Variants in TESK2 observed in about 807,000 individuals in gnomAD.
TESK2 encodes dual specificity testis-specific protein kinase 2.
In TESK2, 39 loss-of-function variants were observed where a neutral mutation model predicts 57.1. That is an observed-to-expected ratio of 0.68 (90% CI 0.53 to 0.89). The LOEUF (loss-of-function observed/expected upper bound fraction) is 0.89, where lower values mean the gene tolerates loss of function less well. Among genes scored for constraint, TESK2 ranks in the 40% least tolerant of loss-of-function variants. The pLI, the probability that TESK2 is intolerant of heterozygous loss-of-function variation, is 0.00. For missense variants in TESK2, 646 were observed against 732.1 expected, an observed-to-expected ratio of 0.88 and a Z score of 1.36; for synonymous variants, 249 against 267.9, an observed-to-expected ratio of 0.93 and a Z score of 0.69.
At chr1:45,397,885 T>C (rs972932359) in intron 3 of TESK2, among the ~76,000 whole-genome samples, 1 of 152,146 alleles carries the variant, frequency 6.6e-6, no homozygotes, top group Non-Finnish European at 1.5e-5. Context: ...GTGCCAGACA[T>C]GTCCACATAT....
chr1:45,400,839 T>C (rs887775656), intron 3 of TESK2, among the ~76,000 whole-genome samples: 2 of 151,002 alleles, frequency 1.3e-5, no homozygotes, highest in African/African-American at 4.9e-5. Flanking sequence ...CTGGCCAACA[T>C]GATGAAACCC....
chr1:45,425,790 G>A (rs1084165), intron 2 of TESK2, among the ~76,000 whole-genome samples: 148,248 of 152,260 alleles, frequency 0.97, 72,312 homozygotes, highest in East Asian at 1. Context: ...ATACTACTCA[G>A]ATACTAAACT....
chr1:45,483,318 G>A (rs545312971), intron 1 of TESK2, among the ~76,000 whole-genome samples: 14 of 151,734 alleles, frequency 9.2e-5, no homozygotes, highest in African/African-American at 2.9e-4. Flanking sequence ...AAGAGGAGCC[G>A]GGCGTGGTGG....
intron 10 of TESK2, 95 bp from the exon 11 acceptor site, chr1:45,345,653 G>T: frequency 8.4e-7 from 1 of 1,190,182 alleles, no homozygotes; most frequent in Non-Finnish European, 1.2e-6. Context: ...AAGCAAAGCT[G>T]ATACCATGGC....
chr1:45,470,310 T>C (rs1652710210), intron 1 of TESK2, among the ~76,000 whole-genome samples: 1 of 152,196 alleles, frequency 6.6e-6, no homozygotes, highest in South Asian at 2.1e-4. Context: ...CAAATCTACA[T>C]GACAAGTCTG....
intron 10 of TESK2, 101 bp downstream of exon 10, chr1:45,345,776 T>C (rs976575005): frequency 5.7e-6 from 6 of 1,056,140 alleles, no homozygotes; most frequent in Non-Finnish European, 8.6e-6. Flanking sequence ...CATTTGTTTC[T>C]GGACCTGGGA....
At chr1:45,467,405 T>G (rs529263734) in intron 1 of TESK2, among the ~76,000 whole-genome samples, 7 of 152,026 alleles carry the variant, frequency 4.6e-5, no homozygotes, top group African/African-American at 1.7e-4. Context: ...AGTACAGTGG[T>G]GCGATCATGG....
At chr1:45,443,543 C>G (rs1651528324) in intron 2 of TESK2, among the ~76,000 whole-genome samples, 1 of 125,784 alleles carries the variant, frequency 8.0e-6, no homozygotes, top group Non-Finnish European at 1.6e-5. Flanking sequence ...GTACTCCAGC[C>G]TGGGTGGCAG....
At chr1:45,358,007 A>G (rs1381289153) in intron 4 of TESK2, among the ~76,000 whole-genome samples, 3 of 107,042 alleles carry the variant, frequency 2.8e-5, no homozygotes, top group East Asian at 2.5e-4. Context: ...AACTCCGTCT[A>G]AAAAAAAAAA....
In TESK2 at chr1:45,388,717, CTT is replaced by C. The variant is rs34109075; in HGVS notation, c.345-2759_345-2758del. Among the ~76,000 whole-genome samples, 22 of 102,748 alleles carry C rather than the reference CTT, an allele frequency of 2.1e-4. 1 individual carries two copies. In the East Asian group the frequency reaches 5.0e-3, roughly 23 times the overall value. The allele number at this position is 102,748 out of a possible 152,430, so 67.4% of individuals were successfully genotyped here. A position where few individuals can be genotyped will look rare whatever the true frequency, so the allele number is the denominator to read the frequency against. On this transcript the variant is annotated intron_variant, in intron 3 of 10. Transcript: ENST00000372086. ...AACGTGGCAGTATTGAGAGGTACGG[CTT>C]TTTTTTTTTTTTTTTTTTTGAGACG...
intron 3 of TESK2, among the ~76,000 whole-genome samples, chr1:45,400,422 G>A (rs960468535): frequency 2.6e-5 from 4 of 152,214 alleles, no homozygotes; most frequent in South Asian, 4.1e-4. Flanking sequence ...TAAAATAAAC[G>A]TGTGTTGTTT....
chr1:45,468,640 A>G (rs1005701702), intron 1 of TESK2, among the ~76,000 whole-genome samples: 4 of 152,326 alleles, frequency 2.6e-5, no homozygotes, highest in Non-Finnish European at 4.4e-5. Flanking sequence ...ATTGAGTATT[A>G]TCTATTGATA....
intron 1 of TESK2, among the ~76,000 whole-genome samples, chr1:45,480,686 G>GAATA (rs1014183383): frequency 2.0e-5 from 3 of 150,696 alleles, no homozygotes; most frequent in Non-Finnish European, 3.0e-5. Context: ...AATAATAAAT[G>GAATA]AATAAATAAA....
intron 3 of TESK2, among the ~76,000 whole-genome samples, chr1:45,418,174 T>A (rs538039851): frequency 6.6e-6 from 1 of 152,336 alleles, no homozygotes; most frequent in East Asian, 1.9e-4. Flanking sequence ...TTTCTAAATG[T>A]TTGCATTGCA....
At chr1:45,387,768 A>G (rs1020964957) in intron 3 of TESK2, among the ~76,000 whole-genome samples, 1 of 152,190 alleles carries the variant, frequency 6.6e-6, no homozygotes, top group African/African-American at 2.4e-5. Flanking sequence ...GCATTTTGGG[A>G]GGCCAAGGCG....
At chr1:45,453,468 C>A (rs1651957824) in intron 2 of TESK2, among the ~76,000 whole-genome samples, 1 of 151,614 alleles carries the variant, frequency 6.6e-6, no homozygotes, top group South Asian at 2.1e-4. Flanking sequence ...ACAAATGGTG[C>A]TTGTAAAATT....
rs1553141411 is a variant in TESK2, at chr1:45,346,710, T to C, written c.862A>G (p.Thr288Ala). The change falls in exon 9 of 11, where the codon ACT (threonine) becomes GCT (alanine). Residue 288 changes from threonine (T) to alanine (A), a missense_variant. Thr to Ala is a moderately conservative substitution (Grantham distance 58). Transcript: ENST00000372086. ...ACACTCACGTTACAGCAGTTGAAAG[T>C]AAGTTGCAGAAAATCTGGGGGACAG... ...GDCPPDFLQL[T>A]FNCCNMDPKL... 6.2e-7 allele frequency: 1 copy of C among 1,613,790 alleles called. No homozygotes were observed. Among genetic ancestry groups the C allele is most frequent in the South Asian group, 1.1e-5 (1 of 90,910 alleles).
chr1:45,430,673 A>G (rs1452633680), intron 2 of TESK2, among the ~76,000 whole-genome samples: 1 of 152,178 alleles, frequency 6.6e-6, no homozygotes, highest in African/African-American at 2.4e-5. Flanking sequence ...AGCATGGCAC[A>G]TGACTTTTGG....
chr1:45,462,312 G>A (rs1288411020), intron 1 of TESK2, among the ~76,000 whole-genome samples: 2 of 150,840 alleles, frequency 1.3e-5, no homozygotes, highest in African/African-American at 2.4e-5. Context: ...TCGCTCTGTC[G>A]CCCAGGATGG....
Sources: allele counts gnomAD v4.1 joint callset (sites outside exome capture counted in the v4.1 genomes callset), GRCh38; gene constraint gnomAD v4.1.1; transcripts MANE v1.5; gene names NCBI Gene and HGNC (gene_info 2026-07-23, HGNC 2026-07-21).